The following USP24 variants were observed in gnomAD, a reference collection of about 807,000 sequenced individuals.
USP24 encodes the protein ubiquitin carboxyl-terminal hydrolase 24.
Under a neutral mutation model 361.6 loss-of-function variants are expected in USP24, and 97 were observed. That is an observed-to-expected ratio of 0.27 (90% CI 0.23 to 0.32). The LOEUF (loss-of-function observed/expected upper bound fraction) is 0.32, where lower values mean the gene tolerates loss of function less well. Ranked by LOEUF, USP24 falls within the 10% of genes least tolerant of loss-of-function variation. The pLI is 1.00. For synonymous variants in USP24, 1,098 were observed against 1,124.6 expected, an observed-to-expected ratio of 0.98 and a Z score of 0.47; for missense variants, 2,353 against 3,165.6, an observed-to-expected ratio of 0.74 and a Z score of 6.16.
At chr1:55,148,707 A>G (rs1647108979) in intron 16 of USP24, 137 bp from the exon 17 acceptor site, 3 of 628,412 alleles carry the variant, frequency 4.8e-6, no homozygotes, top group Admixed American at 6.2e-5. Flanking sequence ...GACCATTTAG[A>G]GCTTATCTCC....
At position 55,165,918 on chromosome 1, in the gene USP24, T is replaced by G; in HGVS notation, c.894A>C (p.Gln298His). ...CTATATCTTCTGAATGGAGCTTGGCTTGGATTGCTGCAAATCCACCTAATT... is the reference window on the plus strand; with the variant it reads ...CTATATCTTCTGAATGGAGCTTGGCGTGGATTGCTGCAAATCCACCTAATT... ...FGELGGFAAI[Q>H]AKLHSEDIEL... Residue 298 changes from glutamine to histidine, a missense_variant, in exon 7 of 68, where the codon CAA becomes CAC. Coordinates refer to ENST00000294383, the MANE Select transcript of USP24 (RefSeq NM_015306.3). The G allele has an allele frequency of 6.2e-7, 1 of 1,607,830 alleles. No homozygotes were observed. Among genetic ancestry groups the G allele is most frequent in the Non-Finnish European group, 8.5e-7 (1 of 1,176,320 alleles).
At chr1:55,079,142 T>G (rs1645090897) in intron 60 of USP24, among the ~76,000 whole-genome samples, 1 of 152,114 alleles carries the variant, frequency 6.6e-6, no homozygotes, top group Non-Finnish European at 1.5e-5. Flanking sequence ...ACAGGCACCA[T>G]GATGGAGAGC....
At chr1:55,199,588 AGT>A (rs55710750) in intron 1 of USP24, among the ~76,000 whole-genome samples, 18,033 of 146,218 alleles carry the variant, frequency 0.12, 1,227 homozygotes, top group African/African-American at 0.16. Context: ...GTTCAGAAAA[AGT>A]GTGTGTGTGT....
At chr1:55,210,381 C>A (rs937448323) in intron 1 of USP24, among the ~76,000 whole-genome samples, 2 of 151,000 alleles carry the variant, frequency 1.3e-5, no homozygotes, top group Non-Finnish European at 2.9e-5. Context: ...CTTTAAAGGG[C>A]CTTTTTTTAT....
rs574942500 is a variant in USP24 at position 55,184,288 on chromosome 1, C to T, written c.325-6156G>A. Among the ~76,000 whole-genome samples, 34 of 152,232 alleles carry T rather than the reference C, an allele frequency of 2.2e-4. 2 individuals carry two copies. In the South Asian group the frequency reaches 7.1e-3, roughly 32 times the overall value. On this transcript the variant is annotated intron_variant, in intron 1 of 67. Transcript: ENST00000294383. ...CCGAGGCTGGTCTCAAACTCCTGAGCTCAAGCAATCCACCTGCCTCAGCCT... is the reference window on the plus strand; with the variant it reads ...CCGAGGCTGGTCTCAAACTCCTGAGTTCAAGCAATCCACCTGCCTCAGCCT...
chr1:55,081,774 T>G lies in USP24; in HGVS notation c.6976-350A>C, dbSNP rs368920782. On this transcript the variant is annotated intron_variant, in intron 58 of 67. Coordinates refer to ENST00000294383, the MANE Select transcript of USP24 (RefSeq NM_015306.3). ...GTGAGTTCTTCACCACAACAGTATC[T>G]TGAGTTCTTCATGTACTGGCAGAGG... Among the ~76,000 whole-genome samples, 140 of 152,350 alleles carry G rather than the reference T, an allele frequency of 9.2e-4. 4 individuals carry two copies. In the South Asian group the frequency reaches 0.027, roughly 30 times the overall value.
rs1647063140 is a variant in USP24, at chr1:55,147,555, T to C, written c.2118+94A>G. ...AAAGATACCTCATACAACCTCTTTA[T>C]AGTTACAGCTAACAAAAATTCTTTT... On this transcript the variant is annotated intron_variant, in intron 18 of 67. Transcript: ENST00000294383. 4.5e-6 allele frequency: 6 copies of C among 1,346,606 alleles called. No homozygotes were observed. In the South Asian group the frequency reaches 1.1e-4, roughly 25 times the overall value. 83.4% of individuals were successfully genotyped at this position (1,346,606 alleles called of 1,614,324 possible).
chr1:55,132,857 T>A (rs564574188), intron 30 of USP24, among the ~76,000 whole-genome samples, 157 bp from the exon 31 acceptor site: 101 of 152,356 alleles, frequency 6.6e-4, no homozygotes, highest in African/African-American at 2.1e-3. Flanking sequence ...CATCACTCCG[T>A]AACTATTAAA....
intron 67 of USP24, 77 bp from the exon 68 acceptor site, chr1:55,069,184 T>C (rs1644869536): frequency 4.1e-6 from 6 of 1,447,894 alleles, no homozygotes; most frequent in Non-Finnish European, 9.7e-7. Flanking sequence ...TTCTGCAATT[T>C]AAACATGTCT....
rs772883143 is a variant in USP24 at position 55,100,982 on chromosome 1, A to G, written c.5146-18T>C. 5.0e-5 allele frequency: 80 copies of G among 1,604,556 alleles called. No homozygotes were observed. Among genetic ancestry groups the G allele is most frequent in the Non-Finnish European group, 6.6e-5 (78 of 1,177,262 alleles). ...AGTAATGACTGCACAGAAAAGAAACATATCAAGCTTGAAATATTTAAAATG... is the reference window on the plus strand; with the variant it reads ...AGTAATGACTGCACAGAAAAGAAACGTATCAAGCTTGAAATATTTAAAATG... On this transcript the variant is annotated intron_variant, in intron 43 of 67. Transcript: ENST00000294383.
chr1:55,171,478 C>T (rs193150526), intron 5 of USP24, 78 bp downstream of exon 5: 1 of 1,484,118 alleles, frequency 6.7e-7, no homozygotes, highest in Non-Finnish European at 9.1e-7. Flanking sequence ...TCCCATGTAA[C>T]TTGTCTTTTT....
chr1:55,092,238 C>T (rs1486268768), intron 53 of USP24, 112 bp from the exon 54 acceptor site: 7 of 589,822 alleles, frequency 1.2e-5, no homozygotes, highest in Non-Finnish European at 2.0e-5. Flanking sequence ...GATATACACA[C>T]ATGATAAAGT....
rs779162338 is a variant in USP24, at chr1:55,083,856, T to C, written c.6798A>G (p.Leu2266=). 1.9e-6 allele frequency: 3 copies of C among 1,603,368 alleles called. No homozygotes were observed. Among genetic ancestry groups the C allele is most frequent in the East Asian group, 2.2e-5 (1 of 44,658 alleles). Residue 2266 remains leucine (L), a synonymous_variant, in exon 57 of 68, where the codon CTA becomes CTG. Coordinates refer to ENST00000294383, the MANE Select transcript of USP24 (RefSeq NM_015306.3). ...GGACGTCTTTGTCCAACAGAGCAAG[T>C]AGTACCTCCAGTAACTGATGAAGGC... ...LKSLHQLLEV[L]LALLDKDVPE...
At chr1:55,070,167 C>T (rs570677241) in intron 67 of USP24, among the ~76,000 whole-genome samples, 10 of 152,024 alleles carry the variant, frequency 6.6e-5, no homozygotes, top group South Asian at 6.2e-4. Flanking sequence ...TGACGGAGGG[C>T]CAGCTTTGGT....
At chr1:55,105,483 T>C (rs763231772) in intron 41 of USP24, among the ~76,000 whole-genome samples, 26 of 152,212 alleles carry the variant, frequency 1.7e-4, no homozygotes, top group Non-Finnish European at 3.2e-4. Flanking sequence ...CTTTTCACTA[T>C]AAACAGCAAA....
intron 53 of USP24, 85 bp from the exon 54 acceptor site, chr1:55,092,211 A>T (rs1419778915): frequency 2.3e-6 from 2 of 860,808 alleles, no homozygotes; most frequent in African/African-American, 3.4e-5. Context: ...TATGATACAC[A>T]CACAATATAT....
At chr1:55,207,485 C>T (rs1372336128) in intron 1 of USP24, among the ~76,000 whole-genome samples, 3 of 152,104 alleles carry the variant, frequency 2.0e-5, no homozygotes, top group South Asian at 2.1e-4. Context: ...GGTTCCATAT[C>T]TGCAGATTCA....
chr1:55,128,522 G>A (rs548662075), intron 32 of USP24, among the ~76,000 whole-genome samples: 8 of 152,050 alleles, frequency 5.3e-5, no homozygotes, highest in African/African-American at 1.9e-4. Context: ...ATTCCAGCTT[G>A]GAGTGCCCCT....
chr1:55,079,474 T>A, intron 60 of USP24, 64 bp downstream of exon 60: 1 of 1,545,666 alleles, frequency 6.5e-7, no homozygotes, highest in South Asian at 1.3e-5. Context: ...ACATAACTCG[T>A]AACAAAAAGC....
Sources: allele counts gnomAD v4.1 joint callset (sites outside exome capture counted in the v4.1 genomes callset), GRCh38; gene constraint gnomAD v4.1.1; transcripts MANE v1.5; gene names NCBI Gene and HGNC (gene_info 2026-07-23, HGNC 2026-07-21).